The following LYPD6 variants were observed in gnomAD, a reference collection of about 807,000 sequenced individuals.
The protein encoded by LYPD6 is LY6/PLAUR domain containing 6, also known as ly6/PLAUR domain-containing protein 6.
A neutral mutation model predicts 22.7 loss-of-function variants in LYPD6; 15 were observed. That is an observed-to-expected ratio of 0.66 (90% CI 0.44 to 1.02). LYPD6 has a LOEUF of 1.02. Among genes scored for constraint, LYPD6 ranks in the 50% least tolerant of loss-of-function variants. The probability of loss-of-function intolerance (pLI) is 0.00; values close to 1 mark genes in which losing one functional copy is unlikely to be tolerated. For synonymous variants in LYPD6, 72 were observed against 77.5 expected (o/e 0.93, Z 0.37); for missense variants, 189 against 208.4 (o/e 0.91, Z 0.57).
chr2:149,439,050 A>G (rs1558808396), intron 2 of LYPD6, among the ~76,000 whole-genome samples: 1 of 152,194 alleles, frequency 6.6e-6, no homozygotes, highest in Admixed American at 6.5e-5. Flanking sequence ...GCATTATTTT[A>G]TGGAGCAGAA....
intron 1 of LYPD6, among the ~76,000 whole-genome samples, chr2:149,423,936 G>T (rs112752368): frequency 0.028 from 4,267 of 152,092 alleles, 97 homozygotes; most frequent in Non-Finnish European, 0.047. Flanking sequence ...GAGTAAGCTT[G>T]ATTTGGGAGA....
intron 1 of LYPD6, among the ~76,000 whole-genome samples, chr2:149,389,657 A>C (rs1372134674): frequency 1.3e-5 from 2 of 152,140 alleles, no homozygotes; most frequent in Non-Finnish European, 2.9e-5. Context: ...CTGTCAGCGC[A>C]ATGGGGTTTA....
chr2:149,346,770 G>A (rs1365496412), intron 1 of LYPD6, among the ~76,000 whole-genome samples: 2 of 152,048 alleles, frequency 1.3e-5, no homozygotes, highest in East Asian at 1.9e-4. Flanking sequence ...GCGTGATCTC[G>A]GCTCACTGCA....
intron 1 of LYPD6, among the ~76,000 whole-genome samples, chr2:149,414,406 T>C (rs375268497): frequency 3.3e-5 from 5 of 152,284 alleles, no homozygotes; most frequent in Admixed American, 1.3e-4. Context: ...GGTTTAAAGG[T>C]GTTTCTAAAA....
At position 149,336,930 on chromosome 2, in the gene LYPD6, TGTGTG is replaced by T. The variant is rs1160525036; in HGVS notation, c.-72+6209_-72+6213del. On this transcript the variant is annotated intron_variant, in intron 1 of 4. Coordinates refer to ENST00000334166, the MANE Select transcript of LYPD6 (RefSeq NM_194317.5). ...AAAAGGGCAGCATGTTGAAATAACG[TGTGTG>T]TGTGTGTGTGTGTGTGTGTGTGTGT... Among the ~76,000 whole-genome samples, 1,031 of 150,924 alleles carry T rather than the reference TGTGTG, an allele frequency of 6.8e-3. 26 individuals are homozygous for T. Among genetic ancestry groups the T allele is most frequent in the East Asian group, 0.052 (270 of 5,156 alleles).
At chr2:149,416,827 T>C (rs907695775) in intron 1 of LYPD6, among the ~76,000 whole-genome samples, 1 of 152,236 alleles carries the variant, frequency 6.6e-6, no homozygotes, top group African/African-American at 2.4e-5. Flanking sequence ...GCCTCCTAGC[T>C]GGTGCTTCAC....
chr2:149,477,112 C>T (rs1056345936), downstream of LYPD6, among the ~76,000 whole-genome samples: 4 of 152,164 alleles, frequency 2.6e-5, no homozygotes, highest in African/African-American at 9.7e-5. Flanking sequence ...TTATCCCTAC[C>T]TTTAAAGGCT....
chr2:149,392,080 T>A (rs1682322572), intron 1 of LYPD6, among the ~76,000 whole-genome samples: 1 of 152,172 alleles, frequency 6.6e-6, no homozygotes, highest in Non-Finnish European at 1.5e-5. Flanking sequence ...GCTTACAGAC[T>A]TTTGCCTTCT....
intron 1 of LYPD6, among the ~76,000 whole-genome samples, chr2:149,402,972 C>A (rs1573775408): frequency 6.7e-6 from 1 of 150,274 alleles, no homozygotes; most frequent in African/African-American, 2.4e-5. Context: ...TGAGTGAGAA[C>A]ATGCAGTGTT....
intron 1 of LYPD6, among the ~76,000 whole-genome samples, chr2:149,333,277 A>G (rs1230271166): frequency 2.0e-5 from 3 of 152,250 alleles, no homozygotes; most frequent in Non-Finnish European, 4.4e-5. Context: ...AGAAGCGTAC[A>G]GATATCTGCC....
chr2:149,397,423 G>C (rs986897377), intron 1 of LYPD6, among the ~76,000 whole-genome samples: 3 of 152,242 alleles, frequency 2.0e-5, no homozygotes, highest in Non-Finnish European at 4.4e-5. Context: ...GAAAACTGCT[G>C]GTCTTCATAA....
At chr2:149,450,097 C>G (rs992804090) in intron 3 of LYPD6, among the ~76,000 whole-genome samples, 1 of 152,184 alleles carries the variant, frequency 6.6e-6, no homozygotes, top group Non-Finnish European at 1.5e-5. Flanking sequence ...ACCCAGGAGC[C>G]TCCACTCCAC....
chr2:149,345,535 T>C (rs922606503), intron 1 of LYPD6, among the ~76,000 whole-genome samples: 2 of 151,564 alleles, frequency 1.3e-5, no homozygotes, highest in Non-Finnish European at 2.9e-5. Flanking sequence ...CAGGACAGTT[T>C]TGATCTCCTG....
At position 149,473,233 on chromosome 2, in the gene LYPD6, T is replaced by G. The variant is rs1353617006; in HGVS notation, c.*2383T>G. 1.3e-5 allele frequency: 2 copies of G among 152,618 alleles called. No homozygotes were observed. Among genetic ancestry groups the G allele is most frequent in the Admixed American group, 6.5e-5 (1 of 15,278 alleles). The allele number at this position is 152,618 out of a possible 1,614,324, so 9.5% of individuals were successfully genotyped here. A position where few individuals can be genotyped will look rare whatever the true frequency, so the allele number is the denominator to read the frequency against. The stretch of plus-strand genomic sequence containing the variant: ...TGTAGAGGGATCAGGTCCACAGTGG[T>G]GCAGATTCAACCACCACCCAGGGAG... On this transcript the variant is annotated 3_prime_UTR_variant, in exon 5 of 5. Transcript: ENST00000334166.
chr2:149,340,249 G>A (rs925179597), intron 1 of LYPD6, among the ~76,000 whole-genome samples: 2 of 152,212 alleles, frequency 1.3e-5, no homozygotes, highest in Admixed American at 1.3e-4. Flanking sequence ...GTGCCTTGTA[G>A]TATAACATAT....
At chr2:149,389,168 T>C (rs890173493) in intron 1 of LYPD6, among the ~76,000 whole-genome samples, 1 of 152,198 alleles carries the variant, frequency 6.6e-6, no homozygotes, top group African/African-American at 2.4e-5. Context: ...TGACATTTGA[T>C]GAATCACTTT....
intron 1 of LYPD6, among the ~76,000 whole-genome samples, chr2:149,401,640 A>G (rs766184798): frequency 2.0e-5 from 3 of 152,290 alleles, no homozygotes; most frequent in Non-Finnish European, 4.4e-5. Flanking sequence ...TTATGCTTGT[A>G]AGTGCCTTGA....
Position 149,457,407 on chromosome 2 carries a change from C to T in LYPD6, c.217+8260C>T, listed in dbSNP as rs115869178. On this transcript the variant is annotated intron_variant, in intron 3 of 4. Transcript: ENST00000334166. ...CAAGAGTTTATTAGAGATTAAATGC[C>T]TGCTATTGTGTGCAATGCCCTGTGT... Among the ~76,000 whole-genome samples, 530 of 152,300 alleles carry T rather than the reference C, an allele frequency of 3.5e-3. 3 individuals are homozygous for T. Among genetic ancestry groups the T allele is most frequent in the African/African-American group, 0.012 (508 of 41,564 alleles).
intron 1 of LYPD6, among the ~76,000 whole-genome samples, chr2:149,399,960 C>T (rs935290170): frequency 2.6e-5 from 4 of 152,322 alleles, no homozygotes; most frequent in East Asian, 1.9e-4. Context: ...ATTGGCAAAG[C>T]TTTGTTGGAC....
Sources: allele counts gnomAD v4.1 joint callset (sites outside exome capture counted in the v4.1 genomes callset), GRCh38; gene constraint gnomAD v4.1.1; transcripts MANE v1.5; gene names NCBI Gene and HGNC (gene_info 2026-07-23, HGNC 2026-07-21).